The following ARHGAP22 variants were observed in gnomAD, a reference collection of about 807,000 sequenced individuals.
ARHGAP22 encodes Rho GTPase activating protein 22, also known as rho GTPase-activating protein 22.
Under a neutral mutation model 59.1 loss-of-function variants are expected in ARHGAP22, and 48 were observed. The observed-to-expected ratio is 0.81, with a 90% confidence interval of 0.64 to 1.03. ARHGAP22 has a LOEUF of 1.03. ARHGAP22 is among the 50% of genes least tolerant of loss of function. The probability of loss-of-function intolerance (pLI) is 0.00; values close to 1 mark genes in which losing one functional copy is unlikely to be tolerated. For synonymous variants in ARHGAP22, 445 were observed against 416.4 expected, an observed-to-expected ratio of 1.07 and a Z score of -0.84; for missense variants, 1,015 against 958.7, an observed-to-expected ratio of 1.06 and a Z score of -0.78.
At chr10:48,518,082 C>T (rs1380935634) in intron 3 of ARHGAP22, among the ~76,000 whole-genome samples, 2 of 152,312 alleles carry the variant, frequency 1.3e-5, no homozygotes, top group Non-Finnish European at 2.9e-5. Flanking sequence ...GGCTGCTGTG[C>T]AGGACACCGA....
intron 1 of ARHGAP22, among the ~76,000 whole-genome samples, chr10:48,630,593 C>T (rs2061598020): frequency 6.6e-6 from 1 of 152,150 alleles, no homozygotes. Context: ...CAAATTCCAG[C>T]TGTTCATTGT....
chr10:48,627,629 G>T (rs941814981), intron 1 of ARHGAP22, among the ~76,000 whole-genome samples: 3 of 152,224 alleles, frequency 2.0e-5, no homozygotes, highest in Admixed American at 2.0e-4. Flanking sequence ...CACAGGGCAG[G>T]CCACTGGGAA....
chr10:48,555,336 C>G (rs542637865), intron 3 of ARHGAP22, 127 bp downstream of exon 3: 4 of 854,580 alleles, frequency 4.7e-6, no homozygotes, highest in African/African-American at 3.4e-5. Context: ...CCCACATTTC[C>G]GAGTCATGCC....
At chr10:48,583,191 C>T (rs575380600) in intron 1 of ARHGAP22, 39 bp from the exon 2 acceptor site, 12 of 1,591,614 alleles carry the variant, frequency 7.5e-6, no homozygotes, top group African/African-American at 2.7e-5. Context: ...ATGAAGGCAG[C>T]GTGCCTGCTA....
intron 1 of ARHGAP22, among the ~76,000 whole-genome samples, chr10:48,636,991 T>C (rs2061845303): frequency 6.6e-6 from 1 of 152,198 alleles, no homozygotes; most frequent in African/African-American, 2.4e-5. Context: ...GCCAGGACTT[T>C]AGCTTCATTC....
At chr10:48,543,793 T>G (rs1333134634) in intron 3 of ARHGAP22, among the ~76,000 whole-genome samples, 1 of 152,108 alleles carries the variant, frequency 6.6e-6, no homozygotes, top group Non-Finnish European at 1.5e-5. Flanking sequence ...CATTGGAAGC[T>G]TGTTTGTCTA....
intron 2 of ARHGAP22, among the ~76,000 whole-genome samples, chr10:48,577,579 A>G (rs2058800218): frequency 1.3e-5 from 2 of 152,128 alleles, no homozygotes; most frequent in Admixed American, 6.5e-5. Flanking sequence ...AAATGTGGAT[A>G]GAGACTGGGG....
At chr10:48,460,116 C>T (rs573999333) in intron 4 of ARHGAP22, among the ~76,000 whole-genome samples, 3 of 152,208 alleles carry the variant, frequency 2.0e-5, no homozygotes, top group Non-Finnish European at 4.4e-5. Context: ...TGTGGACAGA[C>T]AGCAGGAGGG....
chr10:48,606,046 C>T (rs964649038), upstream of ARHGAP22, among the ~76,000 whole-genome samples: 3 of 152,116 alleles, frequency 2.0e-5, no homozygotes, highest in African/African-American at 4.8e-5. Context: ...ATAATCACTC[C>T]GTGTATCCTC....
chr10:48,592,277 T>A (rs1470925520), intron 1 of ARHGAP22, among the ~76,000 whole-genome samples: 2 of 152,146 alleles, frequency 1.3e-5, no homozygotes, highest in African/African-American at 4.8e-5. Context: ...GCTTCCCAAG[T>A]GGTGGGGCTA....
In ARHGAP22 at chr10:48,453,945, G is replaced by A. The variant is rs909746735; in HGVS notation, c.866+143C>T. On this transcript the variant is annotated intron_variant, in intron 7 of 9. Coordinates refer to ENST00000249601, the MANE Select transcript of ARHGAP22 (RefSeq NM_021226.4). ...TCTGTGCTTTTCCACTCCCTGCTTC[G>A]TCCACGCTGGGTTGAGGCTGTGCAG... is the stretch of plus-strand genomic sequence containing the variant. The A allele has an allele frequency of 7.8e-5, 65 of 834,616 alleles. No homozygotes were observed. In the African/African-American group the frequency reaches 8.4e-4, roughly 11 times the overall value. The allele number at this position is 834,616 out of a possible 1,614,324, so 51.7% of individuals were successfully genotyped here. A position where few individuals can be genotyped will look rare whatever the true frequency, so the allele number is the denominator to read the frequency against.
At chr10:48,610,644 T>C (rs1279820875) in intron 1 of ARHGAP22, among the ~76,000 whole-genome samples, 1 of 152,072 alleles carries the variant, frequency 6.6e-6, no homozygotes, top group East Asian at 1.9e-4. Context: ...TTTTAGGGAT[T>C]AACATTTTGC....
At chr10:48,616,880 C>T (rs2061100754) in intron 1 of ARHGAP22, among the ~76,000 whole-genome samples, 1 of 152,050 alleles carries the variant, frequency 6.6e-6, no homozygotes, top group Admixed American at 6.6e-5. Flanking sequence ...AACTGAAATT[C>T]ACATGAAGAA....
At chr10:48,461,259 T>C (rs953796835) in intron 4 of ARHGAP22, among the ~76,000 whole-genome samples, 9 of 152,130 alleles carry the variant, frequency 5.9e-5, no homozygotes, top group African/African-American at 1.9e-4. Flanking sequence ...TAAAAACAGG[T>C]CAAACGCATC....
chr10:48,615,332 C>T (rs900478270), intron 1 of ARHGAP22, among the ~76,000 whole-genome samples: 2 of 152,194 alleles, frequency 1.3e-5, no homozygotes, highest in South Asian at 4.1e-4. Context: ...TGTCAAATCG[C>T]TAACTGACCA....
chr10:48,534,105 A>G (rs531346406), intron 3 of ARHGAP22, among the ~76,000 whole-genome samples: 1 of 152,360 alleles, frequency 6.6e-6, no homozygotes, highest in Admixed American at 6.5e-5. Context: ...GCAGAGCTCT[A>G]GAAGTGCCGG....
chr10:48,610,597 A>G (rs2060844840), intron 1 of ARHGAP22, among the ~76,000 whole-genome samples: 1 of 152,218 alleles, frequency 6.6e-6, no homozygotes, highest in South Asian at 2.1e-4. Context: ...GTGGTGCCTC[A>G]GCTGGGTTCC....
intron 3 of ARHGAP22, among the ~76,000 whole-genome samples, chr10:48,534,947 C>T (rs763529487): frequency 7.2e-5 from 11 of 152,196 alleles, no homozygotes; most frequent in Admixed American, 3.9e-4. Flanking sequence ...AGGCTCCCAG[C>T]ACCCCCATGC....
chr10:48,535,984 G>A (rs1234298870), intron 3 of ARHGAP22, among the ~76,000 whole-genome samples: 1 of 152,264 alleles, frequency 6.6e-6, no homozygotes, highest in Non-Finnish European at 1.5e-5. Flanking sequence ...GGCGCTTGCT[G>A]TGGCCACCTA....
Sources: allele counts gnomAD v4.1 joint callset (sites outside exome capture counted in the v4.1 genomes callset), GRCh38; gene constraint gnomAD v4.1.1; transcripts MANE v1.5; gene names NCBI Gene and HGNC (gene_info 2026-07-23, HGNC 2026-07-21).